Variants in RBFOX1 observed in about 807,000 individuals in gnomAD.
The protein encoded by RBFOX1 is RNA binding protein fox-1 homolog 1.
Under a neutral mutation model 57.7 loss-of-function variants are expected in RBFOX1, and 8 were observed. The ratio of observed to expected loss-of-function variants is 0.14; its 90% CI spans 0.08 to 0.25. The LOEUF is 0.25. Ranked by LOEUF, RBFOX1 falls within the 10% of genes least tolerant of loss-of-function variation. The pLI is 1.00. For synonymous variants in RBFOX1, 326 were observed against 222.4 expected, an observed-to-expected ratio of 1.47 and a Z score of -4.15; for missense variants, 611 against 548.5, an observed-to-expected ratio of 1.11 and a Z score of -1.14.
chr16:7,003,846 C>T (rs1319467156), intron 3 of RBFOX1, among the ~76,000 whole-genome samples: 1 of 152,144 alleles, frequency 6.6e-6, no homozygotes, highest in Non-Finnish European at 1.5e-5. Context: ...ATTGCAAAGA[C>T]TCACTAATGG....
chr16:5,660,560 C>A (rs1180586480), intron 3 of RBFOX1, among the ~76,000 whole-genome samples: 1 of 152,116 alleles, frequency 6.6e-6, no homozygotes, highest in African/African-American at 2.4e-5. Flanking sequence ...ATTGGGTGTT[C>A]TCATCATCTC....
Position 6,219,647 on chromosome 16 carries a change from G to A in RBFOX1, c.-126-97348G>A, listed in dbSNP as rs558113469. On this transcript the variant is annotated intron_variant, in intron 1 of 15. Coordinates refer to ENST00000550418, the MANE Select transcript of RBFOX1 (RefSeq NM_018723.4). ...CCCAGCATTTTGGGAGGCCGAGGTG[G>A]GCAGATCACTTGAGGTCAGGAGTTC... Among the ~76,000 whole-genome samples, 4 of 152,178 alleles carry A rather than the reference G, an allele frequency of 2.6e-5. No homozygotes were observed. The South Asian group carries it at 6.2e-4, about 24-fold the overall frequency.
chr16:6,849,789 C>T (rs1215269124), intron 3 of RBFOX1, among the ~76,000 whole-genome samples: 1 of 152,172 alleles, frequency 6.6e-6, no homozygotes, highest in East Asian at 1.9e-4. Flanking sequence ...TCCAAGAAGC[C>T]ACCTTGATTT....
chr16:6,660,661 C>T (rs999879918), intron 3 of RBFOX1, among the ~76,000 whole-genome samples: 1 of 152,120 alleles, frequency 6.6e-6, no homozygotes, highest in African/African-American at 2.4e-5. Context: ...GGGAGTGATA[C>T]AATCTGCTTG....
intron 2 of RBFOX1, among the ~76,000 whole-genome samples, chr16:5,508,696 G>T (rs1451279609): frequency 6.6e-6 from 1 of 152,150 alleles, no homozygotes; most frequent in Non-Finnish European, 1.5e-5. Context: ...CAGAGCGATT[G>T]CACAGAGTGC....
intron 4 of RBFOX1, among the ~76,000 whole-genome samples, chr16:7,155,418 A>G (rs956015924): frequency 3.3e-5 from 5 of 151,820 alleles, no homozygotes; most frequent in Non-Finnish European, 7.4e-5. Flanking sequence ...GAAAAACTCC[A>G]TATCTACATA....
At chr16:6,587,548 C>G (rs1176906076) in intron 2 of RBFOX1, among the ~76,000 whole-genome samples, 1 of 152,142 alleles carries the variant, frequency 6.6e-6, no homozygotes, top group Non-Finnish European at 1.5e-5. Flanking sequence ...TCTGAAATTG[C>G]TGGGATTACA....
intron 2 of RBFOX1, among the ~76,000 whole-genome samples, chr16:6,438,831 C>T (rs891707509): frequency 7.2e-5 from 11 of 152,140 alleles, no homozygotes; most frequent in African/African-American, 2.4e-4. Context: ...TCTGTGTGTG[C>T]TCACCACTGT....
At chr16:5,432,563 T>A (rs868780392) in intron 1 of RBFOX1, among the ~76,000 whole-genome samples, 1 of 142,738 alleles carries the variant, frequency 7.0e-6, no homozygotes, top group African/African-American at 2.9e-5. Context: ...TTGTTTGTTT[T>A]TTTTTTTTTT....
At chr16:5,993,859 G>A (rs551182083) in intron 4 of RBFOX1, among the ~76,000 whole-genome samples, 1 of 152,170 alleles carries the variant, frequency 6.6e-6, no homozygotes, top group African/African-American at 2.4e-5. Context: ...GGATAGGTAA[G>A]TCTGGGAAGA....
chr16:5,637,930 T>G (rs1351755323), intron 3 of RBFOX1, among the ~76,000 whole-genome samples: 1 of 152,180 alleles, frequency 6.6e-6, no homozygotes, highest in Non-Finnish European at 1.5e-5. Flanking sequence ...CAAGCCTTCT[T>G]TTGAAAAATG....
At chr16:7,246,822 C>A (rs2094321443) in intron 4 of RBFOX1, among the ~76,000 whole-genome samples, 1 of 152,002 alleles carries the variant, frequency 6.6e-6, no homozygotes. Context: ...ACTGACTGAT[C>A]AAAGAGAGCT....
chr16:6,718,810 C>G (rs976088285), intron 3 of RBFOX1, among the ~76,000 whole-genome samples: 1 of 152,164 alleles, frequency 6.6e-6, no homozygotes, highest in African/African-American at 2.4e-5. Flanking sequence ...CATAAACACA[C>G]TGGCAGAAGA....
At chr16:6,730,110 A>T (rs1413758824) in intron 3 of RBFOX1, among the ~76,000 whole-genome samples, 1 of 152,114 alleles carries the variant, frequency 6.6e-6, no homozygotes, top group Non-Finnish European at 1.5e-5. Flanking sequence ...CACCTTGGCA[A>T]TTCCTGCTTC....
chr16:6,868,781 A>G (rs116315722), intron 3 of RBFOX1, among the ~76,000 whole-genome samples: 1 of 152,092 alleles, frequency 6.6e-6, no homozygotes, highest in African/African-American at 2.4e-5. Flanking sequence ...AGTATTTCTT[A>G]AAGATAGGTA....
chr16:6,730,448 C>G (rs2068268669), intron 3 of RBFOX1, among the ~76,000 whole-genome samples: 1 of 23,090 alleles, frequency 4.3e-5, no homozygotes, highest in South Asian at 0.05. Flanking sequence ...ATCAATTTAT[C>G]AAATTATCTA....
chr16:7,101,739 A>C (rs2062729012), intron 4 of RBFOX1, among the ~76,000 whole-genome samples: 1 of 152,148 alleles, frequency 6.6e-6, no homozygotes, highest in Non-Finnish European at 1.5e-5. Context: ...GAAGACAAGT[A>C]CAGGTTCTGC....
intron 3 of RBFOX1, among the ~76,000 whole-genome samples, chr16:6,917,895 G>C (rs2073584980): frequency 6.6e-6 from 1 of 152,152 alleles, no homozygotes; most frequent in African/African-American, 2.4e-5. Flanking sequence ...AGTCGAAAGA[G>C]GGACAATGGA....
Position 6,413,399 on chromosome 16 carries a change from A to G in RBFOX1, c.-64+96342A>G, listed in dbSNP as rs187453903. Among the ~76,000 whole-genome samples the G allele has an allele frequency of 2.6e-5, 4 of 152,122 alleles. No individual in the cohort carries two copies. The East Asian group carries it at 7.7e-4, about 29-fold the overall frequency. ...AGCTGGTCTTGAACCCCTGGGCTCA[A>G]GCAGTCCTCTCATCTTGGCTTCCCA... On this transcript the variant is annotated intron_variant, in intron 2 of 15. Transcript: ENST00000550418.
Sources: gnomAD v4.1 joint callset for allele counts (sites outside exome capture counted in the v4.1 genomes callset) on GRCh38, gnomAD v4.1.1 for gene constraint, MANE v1.5 for transcripts, NCBI Gene and HGNC (gene_info 2026-07-23, HGNC 2026-07-21) for gene names.